CHAC1: variants seen among roughly 807,000 people sequenced by gnomAD.
CHAC1 encodes the protein ChaC glutathione specific gamma-glutamylcyclotransferase 1.
In CHAC1, 22 loss-of-function variants were observed where a neutral mutation model predicts 22.1. The ratio of observed to expected loss-of-function variants is 1.00; its 90% confidence interval spans 0.71 to 1.42. The LOEUF is 1.42. Ranked by LOEUF, CHAC1 falls within the 40% of genes most tolerant of loss-of-function variation. The probability of loss-of-function intolerance (pLI) is 0.00; values close to 1 mark genes in which losing one functional copy is unlikely to be tolerated. For synonymous variants in CHAC1, 145 were observed against 128.7 expected (o/e 1.13, Z -0.86); for missense variants, 272 against 299.2 (o/e 0.91, Z 0.67).
intron 2 of CHAC1, among the ~76,000 whole-genome samples, chr15:40,954,711 C>T (rs1355437949): frequency 6.6e-6 from 1 of 152,140 alleles, no homozygotes; most frequent in Non-Finnish European, 1.5e-5. Flanking sequence ...TCAAGCGATT[C>T]TCCCACCTCA....
chr15:40,955,314 G>A lies in CHAC1; in HGVS notation c.268-59G>A, dbSNP rs1893214268. The A allele has an allele frequency of 3.2e-6, 5 of 1,581,536 alleles. No individual in the cohort carries two copies. In the Admixed American group the frequency reaches 5.1e-5, roughly 16 times the overall value. ...TGGGTGGGGGTGGCATGTTAGGATA[G>A]GAGAGGGAGCAGCAAGGAGCTGTCA... On this transcript the variant is annotated intron_variant, in intron 2 of 2. Transcript: ENST00000617768.
rs752794857 is a variant in CHAC1, at chr15:40,953,482, C to G, written c.-102C>G. On this transcript the variant is annotated 5_prime_UTR_variant, in exon 1 of 3. Transcript: ENST00000617768. ...CATGGGGGGCGCTCAGCTGGAGCTA[C>G]CGAGCGGTGCCAGGCCAGGTGTGTG... 7 of 1,515,968 alleles carry G rather than the reference C, an allele frequency of 4.6e-6. No homozygotes were observed. Among genetic ancestry groups the G allele is most frequent in the Non-Finnish European group, 6.2e-6 (7 of 1,134,764 alleles). 93.9% of individuals were successfully genotyped at this position (1,515,968 alleles called of 1,614,324 possible).
At chr15:40,954,939 G>A (rs1237381373) in intron 2 of CHAC1, among the ~76,000 whole-genome samples, 2 of 143,410 alleles carry the variant, frequency 1.4e-5, no homozygotes, top group Admixed American at 7.1e-5. Context: ...TTAAGACGGA[G>A]TCTTACCCTT....
At position 40,956,040 on chromosome 15, in the gene CHAC1, A is replaced by G. The variant is rs1893239625; in HGVS notation, c.*266A>G. 5 of 437,776 alleles carry G rather than the reference A, an allele frequency of 1.1e-5. No homozygotes were observed. Among genetic ancestry groups the G allele is most frequent in the Middle Eastern group, 5.8e-4 (1 of 1,736 alleles). The allele number at this position is 437,776 out of a possible 1,614,324, so 27.1% of individuals were successfully genotyped here. ...CCTGGACACAGGGGCCCTGCTGAGCAGTGGCCCCATCCTGGAACTTGACCA... is the reference window on the plus strand; with the variant it reads ...CCTGGACACAGGGGCCCTGCTGAGCGGTGGCCCCATCCTGGAACTTGACCA... On this transcript the variant is annotated 3_prime_UTR_variant, in exon 3 of 3. Coordinates refer to ENST00000617768, the MANE Select transcript of CHAC1 (RefSeq NM_024111.6).
At position 40,955,431 on chromosome 15, in the gene CHAC1, A is replaced by G. The variant is rs147487857; in HGVS notation, c.326A>G (p.Lys109Arg). The change falls in exon 3 of 3, where the codon AAG (lysine) becomes AGG (arginine). Residue 109 changes from lysine to arginine, a missense_variant. Coordinates refer to ENST00000617768, the MANE Select transcript of CHAC1 (RefSeq NM_024111.6). ...VQGEQVSKALKYLNVREAVLG... is the reference protein window; with the variant it reads ...VQGEQVSKALRYLNVREAVLG... The stretch of plus-strand genomic sequence containing the variant: ...GGGGAGCAGGTAAGCAAGGCCCTGA[A>G]GTACCTGAATGTGCGAGAGGCAGTG... The G allele has an allele frequency of 0.013, 20,333 of 1,614,140 alleles. 181 individuals are homozygous for G. The highest frequency in any genetic ancestry group is 0.026 in the South Asian group (2,396 of 91,082).
chr15:40,955,845 G>C lies in CHAC1; in HGVS notation c.*71G>C. The C allele has an allele frequency of 6.9e-7, 1 of 1,448,454 alleles. No individual in the cohort carries two copies. Among genetic ancestry groups the C allele is most frequent in the Non-Finnish European group, 9.1e-7 (1 of 1,095,388 alleles). The allele number at this position is 1,448,454 out of a possible 1,614,324, so 89.7% of individuals were successfully genotyped here. A position where few individuals can be genotyped will look rare whatever the true frequency, so the allele number is the denominator to read the frequency against. ...GACACCCACTCCAGTGCACAAGACA[G>C]ACTTGCGACCGCTTGAGCCCACTGA... On this transcript the variant is annotated 3_prime_UTR_variant, in exon 3 of 3. Transcript: ENST00000617768.
Position 40,955,805 on chromosome 15 carries a change from T to C in CHAC1, c.*31T>C, listed in dbSNP as rs1444427697. 1 of 1,550,492 alleles carries C rather than the reference T, an allele frequency of 6.4e-7. No individual in the cohort carries two copies. The highest frequency in any genetic ancestry group is 1.4e-5 in the African/African-American group (1 of 73,848). Reference sequence around the variant, plus strand: ...TGAGCCCCTGCGGGGAGTGCTCATGTGGACATCAGGGCCAGACACCCACTC... The same window carrying C: ...TGAGCCCCTGCGGGGAGTGCTCATGCGGACATCAGGGCCAGACACCCACTC... On this transcript the variant is annotated 3_prime_UTR_variant, in exon 3 of 3. Transcript: ENST00000617768.
intron 1 of CHAC1, 112 bp downstream of exon 1, chr15:40,953,926 C>T: frequency 1.2e-6 from 1 of 839,548 alleles, no homozygotes. Context: ...ATGTGTAAAC[C>T]TGTGTCTGGG....
chr15:40,955,611 G>A lies in CHAC1; in HGVS notation c.506G>A (p.Arg169Gln), dbSNP rs1192991356. ...ATTGCCACGCAGATCCTGGCCTGCCGGGGCTTCTCCGGCCACAACCTTGAA... is the reference window on the plus strand; with the variant it reads ...ATTGCCACGCAGATCCTGGCCTGCCAGGGCTTCTCCGGCCACAACCTTGAA... ...EAIATQILAC[R>Q]GFSGHNLEYL... The change falls in exon 3 of 3, where the codon CGG (arginine) becomes CAG (glutamine). Residue 169 changes from arginine (R) to glutamine (Q), a missense_variant. Transcript: ENST00000617768. 1.2e-6 allele frequency: 2 copies of A among 1,613,902 alleles called. No homozygotes were observed. The highest frequency in any genetic ancestry group is 1.7e-5 in the Admixed American group (1 of 60,030).
intron 1 of CHAC1, 142 bp from the exon 2 acceptor site, chr15:40,954,086 C>G (rs937618726): frequency 4.0e-5 from 34 of 853,630 alleles, no homozygotes; most frequent in Admixed American, 2.7e-4. Flanking sequence ...ATCGCTCCCC[C>G]ACCTTCCCCT....
At position 40,955,703 on chromosome 15, in the gene CHAC1, G is replaced by T; in HGVS notation, c.598G>T (p.Ala200Ser). The change falls in exon 3 of 3, where the codon GCC (alanine) becomes TCC (serine). Residue 200 changes from alanine (A) to serine (S), a missense_variant. By Grantham distance (99) the Ala-to-Ser change is moderately conservative. Coordinates refer to ENST00000617768, the MANE Select transcript of CHAC1 (RefSeq NM_024111.6). ...GPQAQDEHLA[A>S]IVDAVGTMLP... ...TCAGGCGCAGGACGAGCACCTGGCA[G>T]CCATCGTGGACGCTGTGGGCACCAT... 1 of 1,607,884 alleles carries T rather than the reference G, an allele frequency of 6.2e-7. No homozygotes were observed.
Position 40,956,209 on chromosome 15 carries a change from G to A in CHAC1, c.*435G>A, listed in dbSNP as rs553819402. 95 of 171,670 alleles carry A rather than the reference G, an allele frequency of 5.5e-4. No individual in the cohort carries two copies. Among genetic ancestry groups the A allele is most frequent in the Non-Finnish European group, 9.7e-4 (76 of 78,602 alleles). 10.6% of individuals were successfully genotyped at this position (171,670 alleles called of 1,614,324 possible). On this transcript the variant is annotated 3_prime_UTR_variant, in exon 3 of 3. Transcript: ENST00000617768. ...CACCTGCCAAGGATCCCAGCAGGCT[G>A]GATGAGGGATAGTAGGGCATGAGGA...
chr15:40,954,315 A>G (rs1361982788), intron 2 of CHAC1, 52 bp downstream of exon 2: 12 of 1,579,692 alleles, frequency 7.6e-6, no homozygotes, highest in Non-Finnish European at 1.0e-5. Flanking sequence ...AAGGGGGACC[A>G]GCAGAGAGAG....
Position 40,953,535 on chromosome 15 carries a change from CG to C in CHAC1, c.-47del, listed in dbSNP as rs1230748208. ...TCCGTCGGTCTTTCCGTGCCCACGC[CG>C]GAGACCAGCCCCGGAGGCCGCCTGG... On this transcript the variant is annotated 5_prime_UTR_variant, in exon 1 of 3. Transcript: ENST00000617768. The C allele has an allele frequency of 6.2e-7, 1 of 1,606,186 alleles. No individual in the cohort carries two copies. Among genetic ancestry groups the C allele is most frequent in the African/African-American group, 1.3e-5 (1 of 74,902 alleles).
Position 40,953,546 on chromosome 15 carries a change from C to G in CHAC1, c.-38C>G, listed in dbSNP as rs1182248732. The G allele has an allele frequency of 6.2e-7, 1 of 1,607,916 alleles. No individual in the cohort carries two copies. Among genetic ancestry groups the G allele is most frequent in the Non-Finnish European group, 8.5e-7 (1 of 1,179,456 alleles). ...TTCCGTGCCCACGCCGGAGACCAGC[C>G]CCGGAGGCCGCCTGGGCCTATCCCT... On this transcript the variant is annotated 5_prime_UTR_variant, in exon 1 of 3. Transcript: ENST00000617768.
chr15:40,954,395 T>C (rs1566886017), intron 2 of CHAC1, 132 bp downstream of exon 2: 2 of 879,296 alleles, frequency 2.3e-6, no homozygotes, highest in African/African-American at 1.7e-5. Flanking sequence ...GTGTTCTAGC[T>C]CAGTGCTTCT....
rs763133552 is a variant in CHAC1 at position 40,955,684 on chromosome 15, G to A, written c.579G>A (p.Ala193=). 11 of 1,609,866 alleles carry A rather than the reference G, an allele frequency of 6.8e-6. No homozygotes were observed. Among genetic ancestry groups the A allele is most frequent in the South Asian group, 2.2e-5 (2 of 91,090 alleles). The change falls in exon 3 of 3, where the codon GCG becomes GCA. Residue 193 remains alanine (A), a synonymous_variant. Coordinates refer to ENST00000617768, the MANE Select transcript of CHAC1 (RefSeq NM_024111.6). ...ADFMQLCGPQ[A]QDEHLAAIVD... ...TCATGCAGCTCTGTGGGCCTCAGGC[G>A]CAGGACGAGCACCTGGCAGCCATCG...
Position 40,953,576 on chromosome 15 carries a change from C to G in CHAC1, c.-8C>G. The G allele has an allele frequency of 6.2e-7, 1 of 1,609,940 alleles. No individual in the cohort carries two copies. The highest frequency in any genetic ancestry group is 1.3e-5 in the African/African-American group (1 of 75,056). On this transcript the variant is annotated 5_prime_UTR_variant, in exon 1 of 3. Coordinates refer to ENST00000617768, the MANE Select transcript of CHAC1 (RefSeq NM_024111.6). ...AGGCCGCCTGGGCCTATCCCTGTGC[C>G]AGGCACCATGAAGCAGGAGTCTGCA...
At chr15:40,954,122 G>A in intron 1 of CHAC1, 106 bp from the exon 2 acceptor site, 1 of 1,174,576 alleles carries the variant, frequency 8.5e-7, no homozygotes, top group Non-Finnish European at 1.3e-6. Context: ...AGCATGCAGA[G>A]TGGGGCACTT....
Sources: gnomAD v4.1 joint callset for allele counts (sites outside exome capture counted in the v4.1 genomes callset) on GRCh38, gnomAD v4.1.1 for gene constraint, MANE v1.5 for transcripts, NCBI Gene and HGNC (gene_info 2026-07-23, HGNC 2026-07-21) for gene names.